NXNL2: variants seen among roughly 807,000 people sequenced by gnomAD.
NXNL2 encodes the protein nucleoredoxin like 2, also known as nucleoredoxin-like protein 2.
A neutral mutation model predicts 11.1 loss-of-function variants in NXNL2; 7 were observed. The observed-to-expected ratio is 0.63, with a 90% confidence interval of 0.36 to 1.18. The LOEUF (loss-of-function observed/expected upper bound fraction) is 1.18, where lower values mean the gene tolerates loss of function less well. NXNL2 is among the 50% of genes most tolerant of loss of function. The probability of loss-of-function intolerance (pLI) is 0.02; values close to 1 mark genes in which losing one functional copy is unlikely to be tolerated. For synonymous variants in NXNL2, 109 were observed against 101.8 expected (o/e 1.07, Z -0.42); for missense variants, 233 against 217.7 (o/e 1.07, Z -0.44).
At chr9:88,562,671 G>A (rs763843464) in intron 1 of NXNL2, among the ~76,000 whole-genome samples, 78 of 151,874 alleles carry the variant, frequency 5.1e-4, no homozygotes, top group Admixed American at 7.2e-4. Flanking sequence ...AGAATCACTT[G>A]AACCCGGGGG....
chr9:88,581,180 G>C (rs1315608127), intron 1 of NXNL2, among the ~76,000 whole-genome samples: 1 of 152,188 alleles, frequency 6.6e-6, no homozygotes, highest in African/African-American at 2.4e-5. Context: ...TGTCTGCCAA[G>C]TTAAGTCTTT....
chr9:88,558,746 A>C (rs1280774235), intron 1 of NXNL2, among the ~76,000 whole-genome samples: 1 of 152,084 alleles, frequency 6.6e-6, no homozygotes, highest in African/African-American at 2.4e-5. Flanking sequence ...TCCACTGGAG[A>C]ACTGGTTGAT....
At chr9:88,553,975 A>G (rs1829978524) in intron 1 of NXNL2, among the ~76,000 whole-genome samples, 1 of 152,160 alleles carries the variant, frequency 6.6e-6, no homozygotes, top group Non-Finnish European at 1.5e-5. Context: ...GTATTAGTAC[A>G]AGGTTTTAGA....
At chr9:88,574,145 A>G (rs1167180713) in intron 2 of NXNL2, among the ~76,000 whole-genome samples, 1 of 152,228 alleles carries the variant, frequency 6.6e-6, no homozygotes, top group Non-Finnish European at 1.5e-5. Flanking sequence ...CTGAAAACAT[A>G]TGCCCCAGAA....
chr9:88,573,230 A>G (rs1830298482), intron 2 of NXNL2, among the ~76,000 whole-genome samples: 1 of 151,578 alleles, frequency 6.6e-6, no homozygotes, highest in African/African-American at 2.4e-5. Context: ...TGCAGCCTCT[A>G]CCTCCTGGGT....
At chr9:88,573,725 T>C (rs1280298481) in intron 2 of NXNL2, among the ~76,000 whole-genome samples, 1 of 152,206 alleles carries the variant, frequency 6.6e-6, no homozygotes, top group Admixed American at 6.5e-5. Context: ...TGCCCAACAG[T>C]GCAGATATAC....
chr9:88,568,454 T>C (rs1410059671), intron 1 of NXNL2, among the ~76,000 whole-genome samples: 1 of 152,110 alleles, frequency 6.6e-6, no homozygotes, highest in Admixed American at 6.5e-5. Context: ...GAGGCAGGCT[T>C]GGTGCCACTG....
intron 1 of NXNL2, among the ~76,000 whole-genome samples, chr9:88,550,043 C>G (rs183061994): frequency 8.0e-4 from 122 of 152,202 alleles, no homozygotes; most frequent in Non-Finnish European, 1.5e-3. Context: ...GTCTCAAACT[C>G]CTGACCTCAG....
chr9:88,569,010 T>G (rs979547956), intron 1 of NXNL2, among the ~76,000 whole-genome samples: 1 of 152,134 alleles, frequency 6.6e-6, no homozygotes, highest in Admixed American at 6.5e-5. Flanking sequence ...CACTGCAGCC[T>G]CAACCTCTCA....
chr9:88,535,302 G>C lies in NXNL2; in HGVS notation c.-133G>C. 1.2e-6 allele frequency: 1 copy of C among 837,410 alleles called. No individual in the cohort carries two copies. The highest frequency in any genetic ancestry group is 1.8e-6 in the Non-Finnish European group (1 of 559,048). 51.9% of individuals were successfully genotyped at this position (837,410 alleles called of 1,614,324 possible). On this transcript the variant is annotated 5_prime_UTR_variant, in exon 1 of 2. Coordinates refer to ENST00000375854, the MANE Select transcript of NXNL2 (RefSeq NM_001161625.2). ...CTGGCCAAGGTGTGGGCGCATCTGG[G>C]GCAGGTCTTGAGAGGTCCAGCGCCC...
chr9:88,552,637 A>AT (rs1829954351), intron 1 of NXNL2, among the ~76,000 whole-genome samples: 2 of 151,774 alleles, frequency 1.3e-5, no homozygotes, highest in African/African-American at 2.4e-5. Flanking sequence ...CGCCCAGCTA[A>AT]TTTTTGTATT....
chr9:88,575,131 G>A, exon 3 of NXNL2: 1 of 985,092 alleles, frequency 1.0e-6, no homozygotes, highest in Non-Finnish European at 1.2e-6. Context: ...AAGAGGAGTT[G>A]GACACTCCGA....
chr9:88,543,847 A>T (rs1224057405), intron 1 of NXNL2, among the ~76,000 whole-genome samples: 1 of 152,222 alleles, frequency 6.6e-6, no homozygotes, highest in Non-Finnish European at 1.5e-5. Context: ...TGCTGCAGGC[A>T]GCTCTCTGGT....
chr9:88,560,783 G>C (rs2118494667), intron 1 of NXNL2, among the ~76,000 whole-genome samples: 1 of 152,246 alleles, frequency 6.6e-6, no homozygotes, highest in South Asian at 2.1e-4. Flanking sequence ...CAGACAACAA[G>C]CCTGGGAATG....
chr9:88,544,507 G>A lies in NXNL2; in HGVS notation c.431G>A (p.Trp144Ter), dbSNP rs1309156211. 1 of 1,549,704 alleles carries A rather than the reference G, an allele frequency of 6.5e-7. No individual in the cohort carries two copies. The highest frequency in any genetic ancestry group is 8.7e-7 in the Non-Finnish European group (1 of 1,145,948). The change falls in exon 2 of 2, where the codon TGG becomes TAG. Residue 144 changes from tryptophan to a stop codon, truncating the protein, a stop_gained. Transcript: ENST00000375854. LOFTEE classifies it high-confidence loss of function. ...RERGLACFQD[W>*]VEAADIFQNF... is the part of the protein sequence containing the mutation. ...CGGGGGTTGGCCTGCTTCCAGGACT[G>A]GGTGGAGGCGGCCGATATCTTCCAG...
chr9:88,554,350 C>T (rs754650770), intron 1 of NXNL2, among the ~76,000 whole-genome samples: 3 of 152,136 alleles, frequency 2.0e-5, no homozygotes, highest in South Asian at 2.1e-4. Context: ...GGATTATAGG[C>T]GTGCACCACC....
At chr9:88,542,462 G>A (rs1360804128) in intron 1 of NXNL2, among the ~76,000 whole-genome samples, 1 of 151,448 alleles carries the variant, frequency 6.6e-6, no homozygotes, top group African/African-American at 2.4e-5. Flanking sequence ...CTAATTTTTT[G>A]TATTTTTAGC....
At chr9:88,567,776 T>A (rs1216277593) in intron 1 of NXNL2, among the ~76,000 whole-genome samples, 1 of 152,182 alleles carries the variant, frequency 6.6e-6, no homozygotes, top group East Asian at 1.9e-4. Context: ...AGCTGTGACT[T>A]AAGTACTTGG....
chr9:88,566,683 G>T (rs1830174950), intron 1 of NXNL2, among the ~76,000 whole-genome samples: 1 of 152,162 alleles, frequency 6.6e-6, no homozygotes, highest in South Asian at 2.1e-4. Flanking sequence ...GTTGATTTTT[G>T]TGTATGGTGT....
Sources: allele counts gnomAD v4.1 joint callset (sites outside exome capture counted in the v4.1 genomes callset), GRCh38; gene constraint gnomAD v4.1.1; transcripts MANE v1.5; gene names NCBI Gene and HGNC (gene_info 2026-07-23, HGNC 2026-07-21).